The following FBXO41 variants were observed in gnomAD, a reference collection of about 807,000 sequenced individuals.
The protein encoded by FBXO41 is F-box protein 41.
A neutral mutation model predicts 81.6 loss-of-function variants in FBXO41; 33 were observed. That is an observed-to-expected ratio of 0.40 (90% CI 0.31 to 0.54). FBXO41 has a LOEUF of 0.54. Ranked by LOEUF, FBXO41 falls within the 20% of genes least tolerant of loss-of-function variation. The pLI is 0.39. For missense variants in FBXO41, 1,107 were observed against 1,236.0 expected (o/e 0.90, Z 1.56); for synonymous variants, 576 against 552.7 (o/e 1.04, Z -0.59).
rs760285002 is a variant in FBXO41, at chr2:73,259,093, G to A, written c.2566-49C>T. On this transcript the variant is annotated intron_variant, in intron 12 of 12. Transcript: ENST00000520530. The surrounding 1 kb of genome is among the most constrained non-coding windows in gnomAD (Gnocchi z 4.2). The stretch of plus-strand genomic sequence containing the variant: ...TTCTCCCTCCGTGCCAGGCAGGTGG[G>A]GCCCTCCTGCCACACTCACCCAGGT... The A allele has an allele frequency of 7.5e-6, 12 of 1,608,482 alleles. No individual in the cohort carries two copies. The South Asian group carries it at 1.3e-4, about 18-fold the overall frequency.
chr2:73,279,114 A>G (rs969653020), intron 1 of FBXO41, among the ~76,000 whole-genome samples: 2 of 152,204 alleles, frequency 1.3e-5, no homozygotes, highest in African/African-American at 4.8e-5. Flanking sequence ...TATGGGAGCA[A>G]TTAAGGAAGG....
intron 1 of FBXO41, among the ~76,000 whole-genome samples, chr2:73,276,661 A>G (rs1003920058): frequency 2.6e-5 from 4 of 151,460 alleles, no homozygotes; most frequent in African/African-American, 9.8e-5. Context: ...GGGAAAAAAA[A>G]AGATAACTGC....
chr2:73,263,078 G>T, intron 9 of FBXO41, 135 bp downstream of exon 9: 2 of 667,624 alleles, frequency 3.0e-6, no homozygotes, highest in Non-Finnish European at 4.9e-6. Context: ...TGCTCCTAAT[G>T]CCTCAATGGA....
At chr2:73,277,065 C>A (rs1400555707) in intron 1 of FBXO41, among the ~76,000 whole-genome samples, 1 of 152,184 alleles carries the variant, frequency 6.6e-6, no homozygotes, top group Non-Finnish European at 1.5e-5. Flanking sequence ...TTTGAAGTGC[C>A]CCTTTTTGCC....
Position 73,268,867 on chromosome 2 carries a change from C to T in FBXO41, c.764G>A (p.Ser255Asn), listed in dbSNP as rs1311557302. Residue 255 changes from serine (S) to asparagine (N), a missense_variant, in exon 2 of 13, where the codon AGT (serine) becomes AAT (asparagine). Ser to Asn is a conservative substitution (Grantham distance 46). Around this residue, in one of 2 missense-constraint regions of FBXO41, gnomAD observed 771 missense variants for 789.2 expected, o/e 0.98. Coordinates refer to ENST00000520530, the MANE Select transcript of FBXO41 (RefSeq NM_001371389.2). ...AAELETARQE[S>N]ARLGREKEEL... ...CTCCTTCTCGCGCCCGAGCCTCGCA[C>T]TCTCCTGCCGCGCAGTCTCCAGTTC... 6.4e-7 allele frequency: 1 copy of T among 1,564,040 alleles called. No homozygotes were observed. Among genetic ancestry groups the T allele is most frequent in the Admixed American group, 1.9e-5 (1 of 53,410 alleles).
chr2:73,258,631 C>T lies in FBXO41; in HGVS notation c.*351G>A. 3.8e-6 allele frequency: 1 copy of T among 263,790 alleles called. No homozygotes were observed. The allele number at this position is 263,790 out of a possible 1,614,324, so 16.3% of individuals were successfully genotyped here. On this transcript the variant is annotated 3_prime_UTR_variant, in exon 13 of 13. Transcript: ENST00000520530. ...CTGGGCCTCAGGAAGGAGAGGCCAG[C>T]CAGAACAGCTGAGGAGCCACTGGGT...
In FBXO41 at chr2:73,269,148, C is replaced by G. The variant is rs1380413544; in HGVS notation, c.483G>C (p.Lys161Asn). ...TCGAGCACGCCGAGGACGCCACGGA[C>G]TTGCGGGCGAACAGCTCCCCCAGCG... ...EIPLGELFARKSVASSACSTP... is the reference protein window; with the variant it reads ...EIPLGELFARNSVASSACSTP... The change falls in exon 2 of 13, where the codon AAG becomes AAC. Residue 161 changes from lysine to asparagine, a missense_variant. Physicochemically the swap from Lys to Asn is moderately conservative, Grantham distance 94. Around this residue, in one of 2 missense-constraint regions of FBXO41, gnomAD observed 771 missense variants for 789.2 expected, o/e 0.98. Coordinates refer to ENST00000520530, the MANE Select transcript of FBXO41 (RefSeq NM_001371389.2). This position sits in a 1 kb window ranked among gnomAD's most constrained non-coding sequence, Gnocchi z 7.0. 1.3e-6 allele frequency: 2 copies of G among 1,522,708 alleles called. No individual in the cohort carries two copies. Among genetic ancestry groups the G allele is most frequent in the Admixed American group, 4.0e-5 (2 of 49,526 alleles). The allele number at this position is 1,522,708 out of a possible 1,614,324, so 94.3% of individuals were successfully genotyped here. A position where few individuals can be genotyped will look rare whatever the true frequency, so the allele number is the denominator to read the frequency against.
intron 1 of FBXO41, chr2:73,270,979 C>T: frequency 1.9e-6 from 1 of 529,708 alleles, no homozygotes; most frequent in Non-Finnish European, 3.9e-6. Flanking sequence ...TCACAGCTGC[C>T]ATGAGCTTTC....
rs906611478 is a variant in FBXO41, at chr2:73,264,408, C to G, written c.1676G>C (p.Cys559Ser). 6.2e-7 allele frequency: 1 copy of G among 1,613,928 alleles called. No homozygotes were observed. The highest frequency in any genetic ancestry group is 8.5e-7 in the Non-Finnish European group (1 of 1,179,900). ...GCGCGTGTCCAGGTAGGTGAAGATG[C>G]AGAAGAGGGCAGCTCGCATCTTCAG... ...EILKMRAALF[C>S]IFTYLDTRTL... The change falls in exon 6 of 13, where the codon TGC becomes TCC. Residue 559 changes from cysteine to serine, a missense_variant. Physicochemically the swap from Cys to Ser is moderately radical, Grantham distance 112. Coordinates refer to ENST00000520530, the MANE Select transcript of FBXO41 (RefSeq NM_001371389.2).
chr2:73,261,097 C>T (rs1474947848), intron 9 of FBXO41, among the ~76,000 whole-genome samples: 9 of 151,594 alleles, frequency 5.9e-5, no homozygotes, highest in African/African-American at 1.7e-4. Context: ...CAATCTGTCA[C>T]CCAGGCTGGA....
intron 1 of FBXO41, among the ~76,000 whole-genome samples, chr2:73,276,601 AGAGGGAGAGAGGGAGAGAGG>A (rs758437997): frequency 0.026 from 2,207 of 84,494 alleles, 131 homozygotes; most frequent in African/African-American, 0.12. Flanking sequence ...AGAGAGAGAG[AGAGGGAGAGAGGGAGAGAGG>A]GAGAGAATGC....
rs1272996232 is a variant in FBXO41, at chr2:73,260,640, C to G, written c.2291-93G>C. 1 of 1,532,060 alleles carries G rather than the reference C, an allele frequency of 6.5e-7. No homozygotes were observed. The highest frequency in any genetic ancestry group is 1.4e-5 in the African/African-American group (1 of 72,874). The allele number at this position is 1,532,060 out of a possible 1,614,324, so 94.9% of individuals were successfully genotyped here. A position where few individuals can be genotyped will look rare whatever the true frequency, so the allele number is the denominator to read the frequency against. On this transcript the variant is annotated intron_variant, in intron 10 of 12. Transcript: ENST00000520530. This position sits in a 1 kb window ranked among gnomAD's most constrained non-coding sequence, Gnocchi z 5.0. ...GCTACCACCCTGCCACCTGCCACCACCCAGGCTGCAGCCCCAAGCCCCTGT... is the reference window on the plus strand; with the variant it reads ...GCTACCACCCTGCCACCTGCCACCAGCCAGGCTGCAGCCCCAAGCCCCTGT...
In FBXO41 at chr2:73,269,466, C is replaced by CGCGGCG. The variant is rs760529928; in HGVS notation, c.159_164dup (p.Ala60_Ala61dup). 74 of 1,254,348 alleles carry CGCGGCG rather than the reference C, an allele frequency of 5.9e-5. No homozygotes were observed. Among genetic ancestry groups the CGCGGCG allele is most frequent in the East Asian group, 2.6e-4 (7 of 27,174 alleles). 77.7% of individuals were successfully genotyped at this position (1,254,348 alleles called of 1,614,324 possible). ...ACCCCGAGGCAGCGGCGGCGGCGGCCGCGGCGGCGGCGGCGCCGTCGCAGA... is the reference window on the plus strand; with the variant it reads ...ACCCCGAGGCAGCGGCGGCGGCGGCCGCGGCGGCGGCGGCGGCGGCGCCGTCGCAGA... On this transcript the variant is annotated inframe_insertion, in exon 2 of 13. Coordinates refer to ENST00000520530, the MANE Select transcript of FBXO41 (RefSeq NM_001371389.2). This position sits in a 1 kb window ranked among gnomAD's most constrained non-coding sequence, Gnocchi z 7.0.
At position 73,269,250 on chromosome 2, in the gene FBXO41, C is replaced by A; in HGVS notation, c.381G>T (p.Leu127=). Residue 127 remains leucine (L), a synonymous_variant, in exon 2 of 13, where the codon CTG becomes CTT. Coordinates refer to ENST00000520530, the MANE Select transcript of FBXO41 (RefSeq NM_001371389.2). This position sits in a 1 kb window ranked among gnomAD's most constrained non-coding sequence, Gnocchi z 7.0. ...CCGGCTCGGCCAACTCCTCACAGGGCAGGCTAGCGGGCACCAGGTCGCCGG... is the reference window on the plus strand; with the variant it reads ...CCGGCTCGGCCAACTCCTCACAGGGAAGGCTAGCGGGCACCAGGTCGCCGG... ...HFPGDLVPAS[L]PCEELAEPGL... is the part of the protein sequence containing the mutation. 1 of 1,530,896 alleles carries A rather than the reference C, an allele frequency of 6.5e-7. No homozygotes were observed. The highest frequency in any genetic ancestry group is 8.8e-7 in the Non-Finnish European group (1 of 1,139,476). The allele number at this position is 1,530,896 out of a possible 1,614,324, so 94.8% of individuals were successfully genotyped here. A position where few individuals can be genotyped will look rare whatever the true frequency, so the allele number is the denominator to read the frequency against.
chr2:73,256,721 G>C lies in FBXO41; in HGVS notation c.*2261C>G, dbSNP rs1367242170. The C allele has an allele frequency of 1.3e-5, 2 of 152,202 alleles. No homozygotes were observed. The highest frequency in any genetic ancestry group is 2.9e-5 in the Non-Finnish European group (2 of 68,040). The allele number at this position is 152,202 out of a possible 1,614,324, so 9.4% of individuals were successfully genotyped here. On this transcript the variant is annotated 3_prime_UTR_variant, in exon 13 of 13. Coordinates refer to ENST00000520530, the MANE Select transcript of FBXO41 (RefSeq NM_001371389.2). ...GCTCAGTACTGTTGCACTAATGAAT[G>C]AATGAGTGAGTGAAACTACAACTAG...
At chr2:73,267,865 TG>T (rs906114055) in intron 2 of FBXO41, among the ~76,000 whole-genome samples, 31 of 151,604 alleles carry the variant, frequency 2.0e-4, no homozygotes, top group African/African-American at 7.5e-4. Flanking sequence ...AATACTGTAC[TG>T]AAAAAAACAG....
In FBXO41 at chr2:73,269,083, G is replaced by A. The variant is rs772669630; in HGVS notation, c.548C>T (p.Pro183Leu). The change falls in exon 2 of 13, where the codon CCT becomes CTT. Residue 183 changes from proline (P) to leucine (L), a missense_variant. Coordinates refer to ENST00000520530, the MANE Select transcript of FBXO41 (RefSeq NM_001371389.2). The surrounding 1 kb of genome is among the most constrained non-coding windows in gnomAD (Gnocchi z 7.0). ...PGPGPGPCPG[P>L]ASASPASPSP... ...GGGGGACGCGGGCGAAGCGGAGGCAGGCCCGGGGCAAGGGCCGGGGCCGGG... is the reference window on the plus strand; with the variant it reads ...GGGGGACGCGGGCGAAGCGGAGGCAAGCCCGGGGCAAGGGCCGGGGCCGGG... The A allele has an allele frequency of 1.4e-4, 218 of 1,509,644 alleles. 6 individuals are homozygous for A. The South Asian group carries it at 2.6e-3, about 18-fold the overall frequency. 93.5% of individuals were successfully genotyped at this position (1,509,644 alleles called of 1,614,324 possible).
chr2:73,274,875 A>AT (rs375119763), intron 1 of FBXO41, among the ~76,000 whole-genome samples: 1,864 of 144,904 alleles, frequency 0.013, 47 homozygotes, highest in African/African-American at 0.043. Context: ...CTACATTTGG[A>AT]TTTTTTTTTT....
At chr2:73,271,898 G>A (rs1468361815) in intron 1 of FBXO41, among the ~76,000 whole-genome samples, 1 of 152,116 alleles carries the variant, frequency 6.6e-6, no homozygotes, top group African/African-American at 2.4e-5. Context: ...TTGAGTGTTG[G>A]GATTACAGGT....
Sources: gnomAD v4.1 joint callset for allele counts (sites outside exome capture counted in the v4.1 genomes callset) on GRCh38, gnomAD v4.1.1 for gene constraint, gnomAD v4.1.1 regional missense constraint, Gnocchi (gnomAD v3.1) non-coding constraint, MANE v1.5 for transcripts, NCBI Gene and HGNC (gene_info 2026-07-23, HGNC 2026-07-21) for gene names.